The following TTC21A variants were observed in gnomAD, a reference collection of about 807,000 sequenced individuals.
TTC21A encodes tetratricopeptide repeat domain 21A, also known as tetratricopeptide repeat protein 21A.
TTC21A carries 128 observed loss-of-function variants against 156.4 expected under a neutral mutation model. That is an observed-to-expected ratio of 0.82 (90% confidence interval 0.71 to 0.95). The LOEUF (loss-of-function observed/expected upper bound fraction) is 0.95, where lower values mean the gene tolerates loss of function less well. TTC21A is among the 40% of genes least tolerant of loss of function. The pLI is 0.00. For synonymous variants in TTC21A, 587 were observed against 617.1 expected, an observed-to-expected ratio of 0.95 and a Z score of 0.72; for missense variants, 1,435 against 1,602.3, an observed-to-expected ratio of 0.90 and a Z score of 1.78.
At chr3:39,136,578 T>C in intron 23 of TTC21A, 71 bp downstream of exon 23, 1 of 1,539,124 alleles carries the variant, frequency 6.5e-7, no homozygotes, top group Non-Finnish European at 8.8e-7. Context: ...GCTAGGCCCT[T>C]GCTCTGCACA....
chr3:39,123,893 A>G (rs1239882312), intron 9 of TTC21A, among the ~76,000 whole-genome samples: 5 of 152,266 alleles, frequency 3.3e-5, no homozygotes. Flanking sequence ...TATTCACAGT[A>G]GAAAGGAAAA....
In TTC21A at chr3:39,112,521, A is replaced by G. The variant is rs1034214313; in HGVS notation, c.499A>G (p.Ile167Val). ...CAAGCCCCACACTGCGAAGAAAGCC[A>G]TTGAGTACCTGGAACAAGGAATTCA... ...SDKPHTAKKA[I>V]EYLEQGIQDT... is the part of the protein sequence containing the mutation. The change falls in exon 5 of 29, where the codon ATT becomes GTT. Residue 167 changes from isoleucine (I) to valine (V), a missense_variant. Physicochemically the swap from Ile to Val is conservative, Grantham distance 29 (BLOSUM62 3). Transcript: ENST00000683103. 3 of 1,614,088 alleles carry G rather than the reference A, an allele frequency of 1.9e-6. No homozygotes were observed. Among genetic ancestry groups the G allele is most frequent in the African/African-American group, 2.7e-5 (2 of 74,922 alleles).
intron 7 of TTC21A, chr3:39,118,703 A>T (rs2037498690): frequency 6.5e-6 from 1 of 154,208 alleles, no homozygotes; most frequent in African/African-American, 2.4e-5. Flanking sequence ...TAGCCCTCAA[A>T]TGCAGTCAGA....
chr3:39,108,124 A>C, intron 1 of TTC21A: 4 of 565,924 alleles, frequency 7.1e-6, no homozygotes, highest in African/African-American at 1.9e-5. Flanking sequence ...CCTTCTTGTC[A>C]TCATCCCTTC....
chr3:39,133,929 C>T (rs916459267), intron 20 of TTC21A, among the ~76,000 whole-genome samples: 46 of 152,128 alleles, frequency 3.0e-4, no homozygotes, highest in Admixed American at 1.8e-3. Context: ...GGTACCTGCC[C>T]CAGAGTCTGG....
intron 12 of TTC21A, 23 bp from the exon 13 acceptor site, chr3:39,128,308 A>G (rs1228496508): frequency 6.8e-6 from 11 of 1,611,906 alleles, no homozygotes; most frequent in Non-Finnish European, 7.6e-6. Context: ...CCCTGCATGT[A>G]GAGGTTTGTG....
rs1201090864 is a variant in TTC21A, at chr3:39,135,012, C to T, written c.2863-81C>T. On this transcript the variant is annotated intron_variant, in intron 21 of 28. Coordinates refer to ENST00000683103, the MANE Select transcript of TTC21A (RefSeq NM_001366900.1). ...CTACCTTCCCTTCTTACCACCATCA[C>T]CCCCATACCCCCCGCCTCCCCCTAC... 13 of 1,192,872 alleles carry T rather than the reference C, an allele frequency of 1.1e-5. No homozygotes were observed. In the East Asian group the frequency reaches 3.0e-4, roughly 28 times the overall value. 73.9% of individuals were successfully genotyped at this position (1,192,872 alleles called of 1,614,324 possible).
Position 39,130,298 on chromosome 3 carries a change from T to C in TTC21A, c.2259T>C (p.His753=), listed in dbSNP as rs1399521548. The C allele has an allele frequency of 6.2e-7, 1 of 1,613,988 alleles. No individual in the cohort carries two copies. The highest frequency in any genetic ancestry group is 8.5e-7 in the Non-Finnish European group (1 of 1,179,954). ...ATGAGGCCTATAGACAGAACCCACATGACGCCTCCCTGGCCAGCAGAATTG... is the reference window on the plus strand; with the variant it reads ...ATGAGGCCTATAGACAGAACCCACACGACGCCTCCCTGGCCAGCAGAATTG... ...VYDEAYRQNP[H]DASLASRIGH... Residue 753 remains histidine, a synonymous_variant, in exon 17 of 29, where the codon CAT becomes CAC. Coordinates refer to ENST00000683103, the MANE Select transcript of TTC21A (RefSeq NM_001366900.1). The surrounding 1 kb of genome is among the most constrained non-coding windows in gnomAD (Gnocchi z 4.5).
chr3:39,107,914 T>G (rs748304124), intron 1 of TTC21A, 50 bp downstream of exon 1: 1 of 1,444,946 alleles, frequency 6.9e-7, no homozygotes, highest in African/African-American at 1.9e-5. Context: ...TCCCCGCCCC[T>G]GACCCAGAGA....
chr3:39,121,231 G>A (rs1175765056), intron 9 of TTC21A, 42 bp downstream of exon 9: 1 of 1,560,234 alleles, frequency 6.4e-7, no homozygotes, highest in South Asian at 1.2e-5. Context: ...GGTGTCGGGA[G>A]CCAAACCGGG....
intron 22 of TTC21A, 126 bp from the exon 23 acceptor site, chr3:39,136,231 G>A (rs2039104245): frequency 1.1e-6 from 1 of 898,796 alleles, no homozygotes; most frequent in African/African-American, 1.7e-5. Flanking sequence ...AGACTCTGGA[G>A]CTGTTGGAAT....
At chr3:39,135,651 G>A (rs755147859) in intron 22 of TTC21A, among the ~76,000 whole-genome samples, 1 of 152,164 alleles carries the variant, frequency 6.6e-6, no homozygotes, top group Non-Finnish European at 1.5e-5. Context: ...TGGGTGCTGG[G>A]GCCAGGCTGC....
In TTC21A at chr3:39,137,519, C is replaced by G. The variant is rs1179197716; in HGVS notation, c.3484C>G (p.Gln1162Glu). 2 of 1,614,236 alleles carry G rather than the reference C, an allele frequency of 1.2e-6. No homozygotes were observed. Among genetic ancestry groups the G allele is most frequent in the African/African-American group, 1.3e-5 (1 of 75,050 alleles). The change falls in exon 26 of 29, where the codon CAA (glutamine) becomes GAA (glutamate). Residue 1162 changes from glutamine to glutamate, a missense_variant. Coordinates refer to ENST00000683103, the MANE Select transcript of TTC21A (RefSeq NM_001366900.1). ...CGTCCCTGCCCTGCTGGCCTTGGCA[C>G]AAGCCTACGTGTTCCTGAAGCAGAT... The part of the protein sequence containing the change: ...DSVPALLALA[Q>E]AYVFLKQIPK...
intron 9 of TTC21A, 107 bp downstream of exon 9, chr3:39,121,296 T>C (rs967353408): frequency 1.2e-4 from 123 of 1,017,516 alleles, no homozygotes; most frequent in Non-Finnish European, 1.4e-4. Flanking sequence ...TTGAAGGGTA[T>C]GTGAATTTTG....
At chr3:39,126,219 T>C (rs1268321092) in intron 11 of TTC21A, 42 bp from the exon 12 acceptor site, 10 of 1,612,352 alleles carry the variant, frequency 6.2e-6, no homozygotes, top group South Asian at 2.2e-5. Flanking sequence ...TCTCTTAGAA[T>C]AGGGCAAACC....
Position 39,138,702 on chromosome 3 carries a change from C to T in TTC21A, c.3865-9C>T. On this transcript the variant is annotated splice_polypyrimidine_tract_variant and intron_variant, in intron 28 of 28. Transcript: ENST00000683103. Reference sequence around the variant, plus strand: ...ATGATACTGCACACCCATTCTCTCTCTGTTCCAGGTCCTCAGGGAGCACCC... The same window carrying T: ...ATGATACTGCACACCCATTCTCTCTTTGTTCCAGGTCCTCAGGGAGCACCC... 1 of 1,614,132 alleles carries T rather than the reference C, an allele frequency of 6.2e-7. No homozygotes were observed. The highest frequency in any genetic ancestry group is 2.2e-5 in the East Asian group (1 of 44,876).
At position 39,121,079 on chromosome 3, in the gene TTC21A, T is replaced by A; in HGVS notation, c.983T>A (p.Val328Glu). Residue 328 changes from valine (V) to glutamate (E), a missense_variant, in exon 9 of 29, where the codon GTG becomes GAG. Transcript: ENST00000683103. ...TFMATPSYVH[V>E]ATELGYLFIL... is the part of the protein sequence containing the mutation. The stretch of plus-strand genomic sequence containing the variant: ...ATGGCCACCCCCTCGTATGTCCATG[T>A]GGCCACAGAACTGGGCTATCTCTTC... 1 of 1,614,172 alleles carries A rather than the reference T, an allele frequency of 6.2e-7. No individual in the cohort carries two copies. Among genetic ancestry groups the A allele is most frequent in the Non-Finnish European group, 8.5e-7 (1 of 1,180,014 alleles).
At chr3:39,119,884 C>T (rs1403308425) in intron 7 of TTC21A, 38 bp from the exon 8 acceptor site, 2 of 1,434,334 alleles carry the variant, frequency 1.4e-6, no homozygotes, top group Admixed American at 1.7e-5. Flanking sequence ...TCTGACCTTG[C>T]ACCTTGCATG....
In TTC21A at chr3:39,130,488, G is replaced by C; in HGVS notation, c.2319+130G>C. ...CTTTTCACTCAGCTCCTTGCTGAATGGGGTGCCAAGGGGAGAACTCAGCAA... is the reference window on the plus strand; with the variant it reads ...CTTTTCACTCAGCTCCTTGCTGAATCGGGTGCCAAGGGGAGAACTCAGCAA... On this transcript the variant is annotated intron_variant, in intron 17 of 28. Coordinates refer to ENST00000683103, the MANE Select transcript of TTC21A (RefSeq NM_001366900.1). The surrounding 1 kb of genome is among the most constrained non-coding windows in gnomAD (Gnocchi z 4.5). 1.1e-6 allele frequency: 1 copy of C among 915,798 alleles called. No individual in the cohort carries two copies. The highest frequency in any genetic ancestry group is 1.7e-6 in the Non-Finnish European group (1 of 605,988). The allele number at this position is 915,798 out of a possible 1,614,324, so 56.7% of individuals were successfully genotyped here.
Sources: gnomAD v4.1 joint callset for allele counts (sites outside exome capture counted in the v4.1 genomes callset) on GRCh38, gnomAD v4.1.1 for gene constraint, Gnocchi (gnomAD v3.1) non-coding constraint, MANE v1.5 for transcripts, NCBI Gene and HGNC (gene_info 2026-07-23, HGNC 2026-07-21) for gene names.